Variants in CTNNA2 observed in about 807,000 individuals in gnomAD.
CTNNA2 encodes catenin alpha-2.
A neutral mutation model predicts 101.0 loss-of-function variants in CTNNA2; 42 were observed. The observed-to-expected ratio is 0.42, with a 90% CI of 0.32 to 0.54. The LOEUF (loss-of-function observed/expected upper bound fraction) is 0.54. Among genes scored for constraint, CTNNA2 ranks in the 20% least tolerant of loss-of-function variants. The pLI is 0.14. For missense variants in CTNNA2, 871 were observed against 1,223.1 expected (o/e 0.71, Z 4.29); for synonymous variants, 450 against 456.4 (o/e 0.99, Z 0.18).
chr2:79,771,992 C>G (rs184619194), intron 3 of CTNNA2, among the ~76,000 whole-genome samples: 4 of 143,344 alleles, frequency 2.8e-5, no homozygotes, highest in Admixed American at 2.1e-4. Flanking sequence ...GATAAGTTAA[C>G]CCCCCCTCCT....
intron 3 of CTNNA2, among the ~76,000 whole-genome samples, chr2:79,750,593 C>T (rs1671958906): frequency 6.6e-6 from 1 of 152,168 alleles, no homozygotes; most frequent in African/African-American, 2.4e-5. Context: ...CCGGGCGTGG[C>T]GACTTGCGCC....
At chr2:80,299,427 T>A (rs1180882186) in intron 7 of CTNNA2, 1 of 151,374 alleles carries the variant, frequency 6.6e-6, no homozygotes, top group East Asian at 2.0e-4. Context: ...GTGAGCTAAA[T>A]TCCCGTTTGT....
At chr2:79,610,254 C>G (rs1678179507) in intron 1 of CTNNA2, among the ~76,000 whole-genome samples, 1 of 152,124 alleles carries the variant, frequency 6.6e-6, no homozygotes, top group Non-Finnish European at 1.5e-5. Flanking sequence ...TAAACCGATT[C>G]AACTGCAAGT....
chr2:80,184,519 C>T (rs887337790), intron 7 of CTNNA2, among the ~76,000 whole-genome samples: 1 of 152,100 alleles, frequency 6.6e-6, no homozygotes, highest in Non-Finnish European at 1.5e-5. Context: ...CTAGAAGGAA[C>T]AGTAGTATTG....
chr2:79,894,066 C>CT (rs1684523505), intron 6 of CTNNA2, among the ~76,000 whole-genome samples: 11 of 136,382 alleles, frequency 8.1e-5, no homozygotes, highest in Non-Finnish European at 1.1e-4. Context: ...CTTCTTCTTC[C>CT]TCCTCCTCCT....
intron 7 of CTNNA2, among the ~76,000 whole-genome samples, chr2:79,954,863 A>C (rs1689119597): frequency 6.6e-6 from 1 of 152,196 alleles, no homozygotes; most frequent in East Asian, 1.9e-4. Flanking sequence ...AGGTAGACAA[A>C]GGCATGAATA....
intron 2 of CTNNA2, among the ~76,000 whole-genome samples, chr2:79,274,609 G>C (rs1270934455): frequency 6.6e-6 from 1 of 151,742 alleles, no homozygotes; most frequent in Non-Finnish European, 1.5e-5. Context: ...AATTATTTTT[G>C]ATAAAATATG....
At chr2:79,678,242 A>G (rs780887243) in intron 2 of CTNNA2, among the ~76,000 whole-genome samples, 1 of 152,148 alleles carries the variant, frequency 6.6e-6, no homozygotes, top group Non-Finnish European at 1.5e-5. Flanking sequence ...ATTTTAAGGT[A>G]AAAGGTCTCT....
At chr2:80,138,832 A>G (rs1201161603) in intron 7 of CTNNA2, among the ~76,000 whole-genome samples, 4 of 152,206 alleles carry the variant, frequency 2.6e-5, no homozygotes, top group Non-Finnish European at 5.9e-5. Flanking sequence ...TTAGAGATCA[A>G]TAAAAATGCT....
intron 7 of CTNNA2, among the ~76,000 whole-genome samples, chr2:80,201,367 C>CTTTTTTTTTTTT (rs60448795): frequency 3.8e-4 from 31 of 80,732 alleles, no homozygotes; most frequent in African/African-American, 7.9e-4. Context: ...CTTTTTCTTT[C>CTTTTTTTTTTTT]TTTTTTTTTT....
chr2:79,916,749 A>C (rs541671612), intron 7 of CTNNA2, among the ~76,000 whole-genome samples: 1 of 151,748 alleles, frequency 6.6e-6, no homozygotes, highest in African/African-American at 2.4e-5. Flanking sequence ...CAGCCTCCCG[A>C]GTAGCTGGGA....
chr2:79,995,785 C>A (rs2103926254), intron 7 of CTNNA2, among the ~76,000 whole-genome samples: 1 of 152,282 alleles, frequency 6.6e-6, no homozygotes, highest in African/African-American at 2.4e-5. Flanking sequence ...CCACTGCACT[C>A]CAGCCTGGGC....
intron 13 of CTNNA2, among the ~76,000 whole-genome samples, chr2:80,581,205 G>A (rs1009317337): frequency 6.6e-6 from 1 of 152,112 alleles, no homozygotes; most frequent in Non-Finnish European, 1.5e-5. Context: ...GCACATAGGG[G>A]CTCATATTCA....
chr2:80,132,376 A>G (rs761991235), intron 7 of CTNNA2, among the ~76,000 whole-genome samples: 1 of 152,152 alleles, frequency 6.6e-6, no homozygotes, highest in South Asian at 2.1e-4. Context: ...TCTTTCATGC[A>G]TCTTCCTTCC....
intron 2 of CTNNA2, among the ~76,000 whole-genome samples, chr2:79,717,174 CTA>C (rs1686163690): frequency 6.6e-6 from 1 of 152,088 alleles, no homozygotes; most frequent in Non-Finnish European, 1.5e-5. Context: ...ACTTTTGGCA[CTA>C]TTTAAATTTT....
At chr2:80,270,225 T>A (rs1573559168) in intron 7 of CTNNA2, among the ~76,000 whole-genome samples, 2 of 152,192 alleles carry the variant, frequency 1.3e-5, no homozygotes, top group African/African-American at 4.8e-5. Flanking sequence ...GGTACCTGAG[T>A]TTGTGATTCC....
rs1430035888 is a variant in CTNNA2 at position 80,230,256 on chromosome 2, C to CT, written c.1057-162952dup. 3.0e-3 allele frequency among the ~76,000 whole-genome samples: 306 copies of CT among 103,408 alleles called. 1 individual carries two copies. Among genetic ancestry groups the CT allele is most frequent in the Admixed American group, 6.1e-3 (61 of 10,056 alleles). 67.8% of individuals were successfully genotyped at this position (103,408 alleles called of 152,430 possible). ...TTTGTCTCTCTCTCTCTTTTTTTTT[C>CT]TTTGTTTTTTTTTTTTTTTTTAAGA... On this transcript the variant is annotated intron_variant, in intron 7 of 18. Coordinates refer to ENST00000402739, the MANE Select transcript of CTNNA2 (RefSeq NM_001282597.3).
At chr2:80,468,649 C>T (rs539650482) in intron 9 of CTNNA2, among the ~76,000 whole-genome samples, 10 of 152,296 alleles carry the variant, frequency 6.6e-5, no homozygotes, top group African/African-American at 1.9e-4. Context: ...AACTCCTGAC[C>T]TTGTGATCCA....
intron 7 of CTNNA2, among the ~76,000 whole-genome samples, chr2:80,127,077 G>A (rs1009846427): frequency 2.6e-5 from 4 of 152,146 alleles, no homozygotes; most frequent in Non-Finnish European, 4.4e-5. Context: ...CTGAAATGAG[G>A]ACTAGGTTGC....
Sources: gnomAD v4.1 joint callset for allele counts (sites outside exome capture counted in the v4.1 genomes callset) on GRCh38, gnomAD v4.1.1 for gene constraint, MANE v1.5 for transcripts, NCBI Gene and HGNC (gene_info 2026-07-23, HGNC 2026-07-21) for gene names.